The following DCHS2 variants were observed in gnomAD, a reference collection of about 807,000 sequenced individuals.
The protein encoded by DCHS2 is dachsous cadherin-related 2, also known as protocadherin-23.
Under a neutral mutation model 182.4 loss-of-function variants are expected in DCHS2, and 142 were observed. That is an observed-to-expected ratio of 0.78 (90% CI 0.68 to 0.89). The LOEUF is 0.89. Ranked by LOEUF, DCHS2 falls within the 40% of genes least tolerant of loss-of-function variation. DCHS2 has a pLI of 0.00. For synonymous variants in DCHS2, 1,740 were observed against 1,663.3 expected, an observed-to-expected ratio of 1.05 and a Z score of -1.12; for missense variants, 4,319 against 4,198.6, an observed-to-expected ratio of 1.03 and a Z score of -0.79.
chr4:154,419,207 G>A (rs975448264), intron 1 of DCHS2, among the ~76,000 whole-genome samples: 2 of 152,144 alleles, frequency 1.3e-5, no homozygotes, highest in African/African-American at 4.8e-5. Context: ...GTAATTCAAA[G>A]TATATAAAGT....
Position 154,337,446 on chromosome 4 carries a change from T to C in DCHS2, c.2477-2342A>G, listed in dbSNP as rs10021081. ...TTATATTTGTGTTAGACCAGTCTTC[T>C]TGAAATCCAAATCTAGACACATCGA... On this transcript the variant is annotated intron_variant, in intron 3 of 19. Transcript: ENST00000357232. 4.4e-3 allele frequency among the ~76,000 whole-genome samples: 674 copies of C among 152,330 alleles called. 5 individuals carry two copies. The highest frequency in any genetic ancestry group is 0.014 in the African/African-American group (601 of 41,568).
At chr4:154,473,444 G>C (rs1486045839) in intron 1 of DCHS2, among the ~76,000 whole-genome samples, 1 of 152,236 alleles carries the variant, frequency 6.6e-6, no homozygotes. Context: ...TAAGAGGAAG[G>C]GAGAGCTAAT....
At position 154,300,880 on chromosome 4, in the gene DCHS2, G is replaced by A. The variant is rs750505348; in HGVS notation, c.5606-2172C>T. Among the ~76,000 whole-genome samples, 48 of 152,266 alleles carry A rather than the reference G, an allele frequency of 3.2e-4. 1 individual carries two copies. Among genetic ancestry groups the A allele is most frequent in the Admixed American group, 2.4e-3 (36 of 15,284 alleles). Reference sequence around the variant, plus strand: ...AAAGGATTCATGATCCGGCTTAGGCGAATAAGTGAAGGGTGTTTAGACCAG... The same window carrying A: ...AAAGGATTCATGATCCGGCTTAGGCAAATAAGTGAAGGGTGTTTAGACCAG... On this transcript the variant is annotated intron_variant, in intron 12 of 19. Transcript: ENST00000357232.
intron 7 of DCHS2, among the ~76,000 whole-genome samples, chr4:154,325,469 C>T (rs917965994): frequency 6.6e-6 from 1 of 151,972 alleles, no homozygotes; most frequent in Non-Finnish European, 1.5e-5. Context: ...CCTAACTGAC[C>T]TCATAGCCAG....
chr4:154,427,109 G>T (rs1308442793), intron 1 of DCHS2, among the ~76,000 whole-genome samples: 1 of 152,174 alleles, frequency 6.6e-6, no homozygotes, highest in African/African-American at 2.4e-5. Context: ...CTGTATACAT[G>T]TATGGAAACA....
chr4:154,339,699 G>A (rs566901527), intron 3 of DCHS2, among the ~76,000 whole-genome samples: 3 of 152,170 alleles, frequency 2.0e-5, no homozygotes, highest in South Asian at 2.1e-4. Flanking sequence ...CGCCCATCTC[G>A]GCCTCCCAGA....
At chr4:154,310,383 T>C (rs895376557) in intron 10 of DCHS2, among the ~76,000 whole-genome samples, 1 of 152,194 alleles carries the variant, frequency 6.6e-6, no homozygotes, top group Non-Finnish European at 1.5e-5. Flanking sequence ...GTTTCTTTGA[T>C]TGGTTGGATT....
intron 1 of DCHS2, among the ~76,000 whole-genome samples, chr4:154,405,088 A>G (rs1732343112): frequency 6.6e-6 from 1 of 151,970 alleles, no homozygotes; most frequent in Non-Finnish European, 1.5e-5. Context: ...CTCCACTAAA[A>G]ATACAAAAAA....
intron 2 of DCHS2, among the ~76,000 whole-genome samples, chr4:154,371,578 C>T (rs1730648949): frequency 2.0e-5 from 3 of 151,988 alleles, no homozygotes; most frequent in South Asian, 4.2e-4. Context: ...TCTCACATTG[C>T]TATAAAAAAA....
chr4:154,295,367 G>A (rs944002893), intron 13 of DCHS2, among the ~76,000 whole-genome samples: 9 of 152,190 alleles, frequency 5.9e-5, no homozygotes, highest in African/African-American at 1.9e-4. Context: ...ACAAGAGACA[G>A]TCCCTAAATA....
chr4:154,234,400 A>C lies in DCHS2; in HGVS notation c.*136T>G, dbSNP rs1364524816. On this transcript the variant is annotated 3_prime_UTR_variant, in exon 20 of 20. Transcript: ENST00000357232. ...GAAATTGGAGAAACTTTAATGGGGA[A>C]GTTTTAAAAACTCTAACTAAATTAC... is the stretch of plus-strand genomic sequence containing the variant. 18 of 1,225,972 alleles carry C rather than the reference A, an allele frequency of 1.5e-5. No homozygotes were observed. The highest frequency in any genetic ancestry group is 3.1e-5 in the Admixed American group (1 of 32,292). The allele number at this position is 1,225,972 out of a possible 1,614,324, so 75.9% of individuals were successfully genotyped here.
In DCHS2 at chr4:154,332,507, C is replaced by G; in HGVS notation, c.3701G>C (p.Gly1234Ala). Residue 1234 changes from glycine (G) to alanine (A), a missense_variant, in exon 5 of 20, where the codon GGA becomes GCA. Physicochemically the swap from Gly to Ala is moderately conservative, Grantham distance 60. Coordinates refer to ENST00000357232, the MANE Select transcript of DCHS2 (RefSeq NM_001358235.2). The part of the protein sequence containing the change: ...GQLLYFLLSD[G>A]KFFKMNPNTG... ...ATTAGGATTCATCTTGAAGAATTTT[C>G]CATCAGACAAAAGGAAATATAATAG... is the stretch of plus-strand genomic sequence containing the variant. The G allele has an allele frequency of 6.2e-7, 1 of 1,613,384 alleles. No individual in the cohort carries two copies. The highest frequency in any genetic ancestry group is 8.5e-7 in the Non-Finnish European group (1 of 1,179,624).
At chr4:154,242,794 A>G (rs779999079) in intron 16 of DCHS2, 22 bp from the exon 17 acceptor site, 1 of 1,587,638 alleles carries the variant, frequency 6.3e-7, no homozygotes, top group Non-Finnish European at 8.5e-7. Context: ...AAAGAATCAA[A>G]GAATGTGATT....
At chr4:154,347,973 T>C (rs1198114987) in intron 3 of DCHS2, among the ~76,000 whole-genome samples, 1 of 152,008 alleles carries the variant, frequency 6.6e-6, no homozygotes, top group East Asian at 1.9e-4. Context: ...CTACTGTAGG[T>C]GGCAGACTCT....
intron 1 of DCHS2, among the ~76,000 whole-genome samples, chr4:154,470,487 CAA>C (rs11404069): frequency 7.0e-6 from 1 of 143,296 alleles, no homozygotes; most frequent in African/African-American, 2.6e-5. Flanking sequence ...GACCCTGTCT[CAA>C]AAAAAAAAAA....
At chr4:154,393,370 T>G (rs757334232) in intron 1 of DCHS2, among the ~76,000 whole-genome samples, 1 of 152,172 alleles carries the variant, frequency 6.6e-6, no homozygotes, top group South Asian at 2.1e-4. Context: ...TTGAAAGCTT[T>G]TGGTTGGGGG....
intron 16 of DCHS2, among the ~76,000 whole-genome samples, chr4:154,252,064 T>G (rs964284879): frequency 1.3e-5 from 2 of 151,750 alleles, no homozygotes; most frequent in African/African-American, 4.8e-5. Flanking sequence ...CCTTTTTCCA[T>G]TTTATGTTTT....
intron 1 of DCHS2, among the ~76,000 whole-genome samples, chr4:154,434,022 T>C (rs970599073): frequency 2.6e-5 from 4 of 152,200 alleles, no homozygotes; most frequent in Admixed American, 6.5e-5. Flanking sequence ...TAGATGAAGA[T>C]AGTCAATCCA....
chr4:154,467,867 T>A (rs1019873121), intron 1 of DCHS2, among the ~76,000 whole-genome samples: 1 of 152,316 alleles, frequency 6.6e-6, no homozygotes, highest in African/African-American at 2.4e-5. Context: ...AATATCATAA[T>A]CCCTGTAGTC....
Sources: gnomAD v4.1 joint callset for allele counts (sites outside exome capture counted in the v4.1 genomes callset) on GRCh38, gnomAD v4.1.1 for gene constraint, MANE v1.5 for transcripts, NCBI Gene and HGNC (gene_info 2026-07-23, HGNC 2026-07-21) for gene names.